OSTM1: variants seen among roughly 807,000 people sequenced by gnomAD.
OSTM1 encodes osteopetrosis-associated transmembrane protein 1.
Under a neutral mutation model 35.4 loss-of-function variants are expected in OSTM1, and 26 were observed. The ratio of observed to expected loss-of-function variants is 0.73; its 90% CI spans 0.54 to 1.02. The LOEUF is 1.02. Ranked by LOEUF, OSTM1 falls within the 50% of genes least tolerant of loss-of-function variation. OSTM1 has a pLI of 0.00. For synonymous variants in OSTM1, 181 were observed against 165.0 expected, an observed-to-expected ratio of 1.10 and a Z score of -0.75; for missense variants, 366 against 409.6, an observed-to-expected ratio of 0.89 and a Z score of 0.92.
chr6:108,051,021 A>C lies in OSTM1; in HGVS notation c.783+10T>G. The stretch of plus-strand genomic sequence containing the variant: ...TAAAATATGTATCACATCAGAAGCA[A>C]AGTACTTACTGCATCTTCCACATCA... On this transcript the variant is annotated intron_variant, in intron 4 of 5. Transcript: ENST00000193322. The C allele has an allele frequency of 6.2e-7, 1 of 1,602,350 alleles. No individual in the cohort carries two copies. The highest frequency in any genetic ancestry group is 8.6e-7 in the Non-Finnish European group (1 of 1,169,534).
At chr6:108,061,174 C>T (rs959254208) in intron 2 of OSTM1, among the ~76,000 whole-genome samples, 20 of 151,706 alleles carry the variant, frequency 1.3e-4, no homozygotes, top group African/African-American at 4.4e-4. Flanking sequence ...AGTCAAGCTT[C>T]GGAAACAAAA....
At chr6:108,046,014 T>A (rs1432400698) in intron 5 of OSTM1, among the ~76,000 whole-genome samples, 1 of 151,932 alleles carries the variant, frequency 6.6e-6, no homozygotes, top group Non-Finnish European at 1.5e-5. Context: ...TTATTTATTT[T>A]TTTTGAGACG....
chr6:108,049,435 CAA>C lies in OSTM1; in HGVS notation c.784-19_784-18del. On this transcript the variant is annotated intron_variant, in intron 4 of 5. Transcript: ENST00000193322. Reference sequence around the variant, plus strand: ...GATGTTCATCTGGAACAAGAGCAAACAATATCTTTCTATTTTATATTTAACTT... The same window carrying C: ...GATGTTCATCTGGAACAAGAGCAAACTATCTTTCTATTTTATATTTAACTT... The C allele has an allele frequency of 6.2e-7, 1 of 1,611,264 alleles. No homozygotes were observed. Among genetic ancestry groups the C allele is most frequent in the East Asian group, 2.2e-5 (1 of 44,816 alleles).
At chr6:108,050,510 T>C (rs964739384) in intron 4 of OSTM1, among the ~76,000 whole-genome samples, 3 of 152,032 alleles carry the variant, frequency 2.0e-5, no homozygotes, top group Non-Finnish European at 4.4e-5. Flanking sequence ...ATAACAGGCG[T>C]GTGCCACTAC....
intron 2 of OSTM1, among the ~76,000 whole-genome samples, chr6:108,060,579 A>G (rs1772255411): frequency 6.6e-6 from 1 of 152,020 alleles, no homozygotes; most frequent in Non-Finnish European, 1.5e-5. Context: ...TTGGCCAGGC[A>G]TCCTCGTGCT....
chr6:108,047,537 C>T (rs1439178407), intron 5 of OSTM1, among the ~76,000 whole-genome samples: 1 of 152,156 alleles, frequency 6.6e-6, no homozygotes, highest in Non-Finnish European at 1.5e-5. Context: ...TTATTCTAGC[C>T]ACTATGTGGC....
At chr6:108,047,193 G>A (rs1771991395) in intron 5 of OSTM1, among the ~76,000 whole-genome samples, 1 of 152,234 alleles carries the variant, frequency 6.6e-6, no homozygotes, top group African/African-American at 2.4e-5. Flanking sequence ...TTCTTAGACT[G>A]GGGAGTCATA....
intron 2 of OSTM1, among the ~76,000 whole-genome samples, chr6:108,055,409 T>C (rs1022630672): frequency 2.0e-5 from 3 of 152,112 alleles, no homozygotes; most frequent in African/African-American, 7.2e-5. Flanking sequence ...CTTGAACTCC[T>C]GGGCGCAAGT....
intron 5 of OSTM1, among the ~76,000 whole-genome samples, chr6:108,049,011 A>G (rs1582387126): frequency 6.6e-6 from 1 of 152,044 alleles, no homozygotes. Context: ...TCATCCTCCC[A>G]AAGTGCTGGG....
chr6:108,052,250 C>T (rs751382607), intron 3 of OSTM1, among the ~76,000 whole-genome samples: 4 of 152,090 alleles, frequency 2.6e-5, no homozygotes, highest in Non-Finnish European at 4.4e-5. Context: ...CTGGCTAACA[C>T]GGTGAAACCC....
intron 1 of OSTM1, chr6:108,073,826 ATAGT>A (rs1772530906): frequency 4.9e-6 from 1 of 202,136 alleles, no homozygotes; most frequent in Admixed American, 5.4e-5. Context: ...CCAAGGTTAC[ATAGT>A]TAGAAGTTGG....
At chr6:108,051,394 A>G (rs1772071163) in intron 3 of OSTM1, among the ~76,000 whole-genome samples, 196 bp from the exon 4 acceptor site, 1 of 152,212 alleles carries the variant, frequency 6.6e-6, no homozygotes, top group Non-Finnish European at 1.5e-5. Flanking sequence ...CTCTACCTGT[A>G]TTATAAGTCC....
intron 5 of OSTM1, among the ~76,000 whole-genome samples, chr6:108,047,273 G>A (rs1771993273): frequency 6.6e-6 from 1 of 152,182 alleles, no homozygotes. Context: ...AGTAAAGAGG[G>A]AAGGGCCTTG....
intron 1 of OSTM1, among the ~76,000 whole-genome samples, chr6:108,072,444 G>A (rs963265490): frequency 6.6e-6 from 1 of 152,028 alleles, no homozygotes; most frequent in Admixed American, 6.6e-5. Context: ...GAACAGCCTG[G>A]TCAACATGGT....
chr6:108,054,672 T>C (rs1772139954), intron 2 of OSTM1, 85 bp from the exon 3 acceptor site: 4 of 668,510 alleles, frequency 6.0e-6, no homozygotes, highest in East Asian at 2.8e-5. Context: ...ATCAGCTTCG[T>C]TTCACACTAC....
intron 2 of OSTM1, among the ~76,000 whole-genome samples, chr6:108,063,354 C>T (rs575607425): frequency 6.6e-6 from 1 of 152,258 alleles, no homozygotes; most frequent in South Asian, 2.1e-4. Flanking sequence ...ATAGTACAGG[C>T]CTAGGTTCAA....
chr6:108,053,072 T>C (rs1247716570), intron 3 of OSTM1, among the ~76,000 whole-genome samples: 1 of 152,214 alleles, frequency 6.6e-6, no homozygotes, highest in Non-Finnish European at 1.5e-5. Flanking sequence ...CATTCCAAAT[T>C]ACCATACTTC....
rs1771921644 is a variant in OSTM1, at chr6:108,043,992, A to G, written c.*793T>C. The G allele has an allele frequency of 6.5e-6, 1 of 152,680 alleles. No homozygotes were observed. Among genetic ancestry groups the G allele is most frequent in the Non-Finnish European group, 1.5e-5 (1 of 68,052 alleles). The allele number at this position is 152,680 out of a possible 1,614,324, so 9.5% of individuals were successfully genotyped here. On this transcript the variant is annotated 3_prime_UTR_variant, in exon 6 of 6. Transcript: ENST00000193322. ...GATAATGCTACATTTGATTTAAAGT[A>G]GTAATAAATTATAAATTGCCAAATA...
At chr6:108,057,784 C>T (rs1029026161) in intron 2 of OSTM1, among the ~76,000 whole-genome samples, 12 of 152,060 alleles carry the variant, frequency 7.9e-5, no homozygotes, top group African/African-American at 2.7e-4. Flanking sequence ...CTTTCTGAAT[C>T]GAAATAACAG....
Sources: allele counts gnomAD v4.1 joint callset (sites outside exome capture counted in the v4.1 genomes callset), GRCh38; gene constraint gnomAD v4.1.1; transcripts MANE v1.5; gene names NCBI Gene and HGNC (gene_info 2026-07-23, HGNC 2026-07-21).